SPATA13: variants seen among roughly 807,000 people sequenced by gnomAD.
The protein encoded by SPATA13 is spermatogenesis-associated protein 13.
SPATA13 carries 50 observed loss-of-function variants against 104.0 expected under a neutral mutation model. The ratio of observed to expected loss-of-function variants is 0.48; its 90% CI spans 0.38 to 0.61. SPATA13 has a LOEUF of 0.61. SPATA13 is among the 20% of genes least tolerant of loss of function. The pLI is 0.00. For missense variants in SPATA13, 1,524 were observed against 1,690.6 expected, an observed-to-expected ratio of 0.90 and a Z score of 1.73; for synonymous variants, 606 against 667.5, an observed-to-expected ratio of 0.91 and a Z score of 1.42.
intron 3 of SPATA13, among the ~76,000 whole-genome samples, chr13:24,062,166 C>T (rs1346851144): frequency 6.6e-6 from 1 of 152,210 alleles, no homozygotes; most frequent in Non-Finnish European, 1.5e-5. Context: ...ATCTCAGATG[C>T]TCTACTGTGA....
chr13:24,006,216 A>T (rs1218697208), intron 2 of SPATA13, among the ~76,000 whole-genome samples: 1 of 152,208 alleles, frequency 6.6e-6, no homozygotes, highest in African/African-American at 2.4e-5. Flanking sequence ...GTCAGTGTTC[A>T]TTAGTGGTTT....
intron 3 of SPATA13, among the ~76,000 whole-genome samples, chr13:24,092,358 T>C (rs1879937007): frequency 6.6e-6 from 1 of 152,258 alleles, no homozygotes; most frequent in African/African-American, 2.4e-5. Flanking sequence ...TTATTTCTCA[T>C]ACCCCATAGT....
intron 1 of SPATA13, among the ~76,000 whole-genome samples, chr13:24,186,436 A>G (rs1239563538): frequency 6.6e-6 from 1 of 152,214 alleles, no homozygotes; most frequent in East Asian, 1.9e-4. Flanking sequence ...ATAGTCTTCA[A>G]ACCAAGAGGG....
intron 3 of SPATA13, among the ~76,000 whole-genome samples, chr13:24,060,612 A>C (rs1232501997): frequency 2.0e-5 from 3 of 152,272 alleles, no homozygotes; most frequent in Non-Finnish European, 4.4e-5. Flanking sequence ...GAGCTTCTGC[A>C]CAGCAAAAGA....
intron 2 of SPATA13, among the ~76,000 whole-genome samples, chr13:24,233,370 A>C (rs1254199054): frequency 6.6e-6 from 1 of 152,212 alleles, no homozygotes; most frequent in African/African-American, 2.4e-5. Context: ...CATGCAACAG[A>C]TATCTTCTCT....
At chr13:24,085,941 A>C (rs920525987) in intron 3 of SPATA13, among the ~76,000 whole-genome samples, 1 of 152,252 alleles carries the variant, frequency 6.6e-6, no homozygotes, top group Non-Finnish European at 1.5e-5. Context: ...GAAGCCAGAG[A>C]GGGTTTCCAG....
intron 3 of SPATA13, among the ~76,000 whole-genome samples, chr13:24,080,499 G>T (rs1364474759): frequency 6.6e-6 from 1 of 152,220 alleles, no homozygotes; most frequent in South Asian, 2.1e-4. Context: ...TACAGAATTG[G>T]TGGGAAGGGA....
At chr13:24,247,680 C>T (rs1873224383) in intron 2 of SPATA13, among the ~76,000 whole-genome samples, 1 of 151,984 alleles carries the variant, frequency 6.6e-6, no homozygotes. Context: ...GACAGGGTTT[C>T]ACCATGTTGG....
Position 24,223,175 on chromosome 13 carries a change from G to T in SPATA13, c.246G>T (p.Arg82Ser). 6.4e-7 allele frequency: 1 copy of T among 1,551,730 alleles called. No individual in the cohort carries two copies. The highest frequency in any genetic ancestry group is 8.7e-7 in the Non-Finnish European group (1 of 1,147,020). Residue 82 changes from arginine (R) to serine (S), a missense_variant, in exon 2 of 13, where the codon AGG becomes AGT. Arg to Ser is a moderately radical substitution (Grantham distance 110, BLOSUM62 -1). Around this residue, in one of 2 missense-constraint regions of SPATA13, gnomAD observed 1,089 missense variants for 1,135.9 expected, o/e 0.96. Transcript: ENST00000382108. Reference protein sequence around the residue: ...LVRLFSTSRKRTGAHPERPHS... With the variant: ...LVRLFSTSRKSTGAHPERPHS... ...GCCTCTTTTCCACCAGTCGGAAGAG[G>T]ACGGGTGCCCACCCCGAGCGGCCCC... is the stretch of plus-strand genomic sequence containing the variant.
chr13:24,199,345 T>A (rs1178376988), intron 1 of SPATA13, among the ~76,000 whole-genome samples: 1 of 152,208 alleles, frequency 6.6e-6, no homozygotes, highest in Non-Finnish European at 1.5e-5. Flanking sequence ...GTAAACAGCT[T>A]TGATTGTTAG....
At chr13:24,210,370 T>G (rs757567047) in intron 1 of SPATA13, among the ~76,000 whole-genome samples, 3 of 152,234 alleles carry the variant, frequency 2.0e-5, no homozygotes, top group Admixed American at 6.5e-5. Context: ...GGAGCTTTTC[T>G]CATATGTTTT....
At position 23,985,358 on chromosome 13, in the gene SPATA13, C is replaced by T. The variant is rs928606261; in HGVS notation, c.-147+1425C>T. 4.1e-4 allele frequency among the ~76,000 whole-genome samples: 62 copies of T among 152,352 alleles called. 1 individual carries two copies. Among genetic ancestry groups the T allele is most frequent in the Non-Finnish European group, 3.7e-4 (25 of 68,032 alleles). On this transcript the variant is annotated intron_variant, in intron 2 of 14. Transcript: ENST00000424834. ...AATCATGGGAAAGGTTGTGTCATGGCGTGGCCACCCCAGGAACGGCTGATG... is the reference window on the plus strand; with the variant it reads ...AATCATGGGAAAGGTTGTGTCATGGTGTGGCCACCCCAGGAACGGCTGATG...
At chr13:24,181,575 A>C (rs999161617) in intron 1 of SPATA13, among the ~76,000 whole-genome samples, 6 of 152,130 alleles carry the variant, frequency 3.9e-5, no homozygotes, top group African/African-American at 1.2e-4. Context: ...AGAAACGTAC[A>C]CATTAGCCTA....
chr13:24,251,562 C>G, intron 3 of SPATA13, 156 bp from the exon 4 acceptor site: 1 of 1,485,144 alleles, frequency 6.7e-7, no homozygotes, highest in Non-Finnish European at 8.9e-7. Context: ...CATGAGTTGC[C>G]ACTGGGCTTC....
At chr13:24,116,577 T>C (rs561963843) in intron 3 of SPATA13, among the ~76,000 whole-genome samples, 18 of 152,164 alleles carry the variant, frequency 1.2e-4, no homozygotes, top group Non-Finnish European at 2.5e-4. Flanking sequence ...CGACTGTATC[T>C]AGGAGTTCAT....
At chr13:24,129,283 T>C (rs1406133975) in intron 3 of SPATA13, among the ~76,000 whole-genome samples, 1 of 152,220 alleles carries the variant, frequency 6.6e-6, no homozygotes, top group African/African-American at 2.4e-5. Context: ...GTCTGTCCCA[T>C]GTGAGCATGA....
intron 3 of SPATA13, among the ~76,000 whole-genome samples, chr13:24,025,810 TTTC>T (rs959065171): frequency 4.9e-5 from 4 of 81,946 alleles, no homozygotes; most frequent in African/African-American, 1.8e-4. Flanking sequence ...TCTTTCTTTC[TTTC>T]TTTTTTTTTT....
chr13:24,207,664 A>T (rs1245375547), intron 1 of SPATA13, among the ~76,000 whole-genome samples: 1 of 152,186 alleles, frequency 6.6e-6, no homozygotes, highest in Non-Finnish European at 1.5e-5. Flanking sequence ...ATCAAGACAA[A>T]TCTTAGGAAA....
chr13:24,150,945 G>T (rs1039217888), intron 3 of SPATA13, among the ~76,000 whole-genome samples: 1 of 152,132 alleles, frequency 6.6e-6, no homozygotes, highest in Non-Finnish European at 1.5e-5. Flanking sequence ...GGGCGCCATG[G>T]CCCAGCCAAA....
Sources: allele counts gnomAD v4.1 joint callset (sites outside exome capture counted in the v4.1 genomes callset), GRCh38; gene constraint gnomAD v4.1.1; regional missense constraint gnomAD v4.1.1; transcripts MANE v1.5; gene names NCBI Gene and HGNC (gene_info 2026-07-23, HGNC 2026-07-21).